Variants in PRPF31 observed in about 807,000 individuals in gnomAD.
PRPF31 encodes U4/U6 small nuclear ribonucleoprotein Prp31.
Under a neutral mutation model 60.4 loss-of-function variants are expected in PRPF31, and 12 were observed. The observed-to-expected ratio is 0.20, with a 90% confidence interval of 0.13 to 0.32. The LOEUF (loss-of-function observed/expected upper bound fraction) is 0.32. PRPF31 is among the 10% of genes least tolerant of loss of function. The pLI is 1.00. For synonymous variants in PRPF31, 287 were observed against 287.9 expected (o/e 1.00, Z 0.03); for missense variants, 431 against 687.1 (o/e 0.63, Z 4.17).
chr19:54,130,353 C>T (rs587622164), intron 13 of PRPF31, among the ~76,000 whole-genome samples: 43 of 152,216 alleles, frequency 2.8e-4, no homozygotes, highest in Non-Finnish European at 4.4e-4. Context: ...AGGCCGGGCG[C>T]GGTGGCTCAC....
chr19:54,122,658 A>T, intron 5 of PRPF31, 64 bp downstream of exon 5: 1 of 1,355,602 alleles, frequency 7.4e-7, no homozygotes, highest in Non-Finnish European at 1.1e-6. Context: ...TCACTCTCGG[A>T]CCCCCTCCCA....
chr19:54,127,423 G>A (rs1336669648), intron 9 of PRPF31, among the ~76,000 whole-genome samples: 1 of 152,106 alleles, frequency 6.6e-6, no homozygotes, highest in Non-Finnish European at 1.5e-5. Flanking sequence ...AAGGGCCCCT[G>A]TGGCTATACT....
In PRPF31 at chr19:54,131,549, T is replaced by TTC. The variant is rs2074048060; in HGVS notation, c.*117_*118insTC. On this transcript the variant is annotated 3_prime_UTR_variant, in exon 14 of 14. Coordinates refer to ENST00000321030, the MANE Select transcript of PRPF31 (RefSeq NM_015629.4). ...CCTGCCCTGCCACTGGCCCCATTGC[T>TTC]GGGACTGCCCAGGGAGGAGGCCTTG... 37 of 1,476,960 alleles carry TTC rather than the reference T, an allele frequency of 2.5e-5. 1 individual carries two copies. In the South Asian group the frequency reaches 4.1e-4, roughly 16 times the overall value. 91.5% of individuals were successfully genotyped at this position (1,476,960 alleles called of 1,614,324 possible).
At chr19:54,129,402 C>T in intron 13 of PRPF31, 32 bp downstream of exon 13, 1 of 1,561,500 alleles carries the variant, frequency 6.4e-7, no homozygotes, top group Non-Finnish European at 8.7e-7. Flanking sequence ...TGTCCCCAGC[C>T]CTGAGACCTT....
chr19:54,131,607 G>T lies in PRPF31; in HGVS notation c.*175G>T, dbSNP rs2074049608. On this transcript the variant is annotated 3_prime_UTR_variant, in exon 14 of 14. Coordinates refer to ENST00000321030, the MANE Select transcript of PRPF31 (RefSeq NM_015629.4). ...CCGGCCTGGCCTCCCCCAGGACCGAGATCACCGCCCAGTATGGGCTAGAGC... is the reference window on the plus strand; with the variant it reads ...CCGGCCTGGCCTCCCCCAGGACCGATATCACCGCCCAGTATGGGCTAGAGC... 1 of 923,810 alleles carries T rather than the reference G, an allele frequency of 1.1e-6. No individual in the cohort carries two copies. Among genetic ancestry groups the T allele is most frequent in the Non-Finnish European group, 1.7e-6 (1 of 594,094 alleles). 57.2% of individuals were successfully genotyped at this position (923,810 alleles called of 1,614,324 possible). A position where few individuals can be genotyped will look rare whatever the true frequency, so the allele number is the denominator to read the frequency against.
Position 54,121,303 on chromosome 19 carries a change from C to CA in PRPF31, c.239-541dup, listed in dbSNP as rs587751948. Among the ~76,000 whole-genome samples the CA allele has an allele frequency of 3.6e-4, 44 of 122,444 alleles. No homozygotes were observed. In the South Asian group the frequency reaches 5.1e-3, roughly 14 times the overall value. The allele number at this position is 122,444 out of a possible 152,430, so 80.3% of individuals were successfully genotyped here. A position where few individuals can be genotyped will look rare whatever the true frequency, so the allele number is the denominator to read the frequency against. On this transcript the variant is annotated intron_variant, in intron 3 of 13. Transcript: ENST00000321030. ...GGGCAACCAGAGCGAAATTATGTCT[C>CA]AAAAAAAAAAAAAAAAGGCTAGGAG...
At chr19:54,123,722 G>A in intron 6 of PRPF31, 27 bp from the exon 7 acceptor site, 1 of 1,599,508 alleles carries the variant, frequency 6.3e-7, no homozygotes, top group Non-Finnish European at 8.5e-7. Flanking sequence ...GGGAGACCCA[G>A]GAGGCTGGGC....
intron 5 of PRPF31, chr19:54,123,235 C>T: frequency 1.6e-6 from 1 of 612,014 alleles, no homozygotes; most frequent in South Asian, 1.9e-5. Context: ...GCTCCGTTTC[C>T]AGGTCAGCGA....
chr19:54,131,236 G>C, intron 13 of PRPF31, 71 bp from the exon 14 acceptor site: 1 of 1,589,530 alleles, frequency 6.3e-7, no homozygotes, highest in Non-Finnish European at 8.6e-7. Flanking sequence ...AGGGCCTGGG[G>C]GGCTCTGATG....
rs1011519009 is a variant in PRPF31, at chr19:54,124,433, T to C, written c.698-66T>C. The C allele has an allele frequency of 4.8e-6, 6 of 1,251,950 alleles. No homozygotes were observed. In the African/African-American group the frequency reaches 8.9e-5, roughly 19 times the overall value. The allele number at this position is 1,251,950 out of a possible 1,614,324, so 77.6% of individuals were successfully genotyped here. The stretch of plus-strand genomic sequence containing the variant: ...AGCACACGTCGAGCCCCCAGGCAGA[T>C]TTACTCACCCCCACCTCTCTGCTTT... On this transcript the variant is annotated intron_variant, in intron 7 of 13. Transcript: ENST00000321030.
At chr19:54,123,382 G>T in intron 5 of PRPF31, 72 bp from the exon 6 acceptor site, 1 of 1,134,000 alleles carries the variant, frequency 8.8e-7, no homozygotes, top group Non-Finnish European at 1.3e-6. Context: ...ACCTGAGGAG[G>T]TGCTGAGCAA....
intron 8 of PRPF31, 78 bp from the exon 9 acceptor site, chr19:54,126,450 G>A (rs2073922472): frequency 2.2e-6 from 3 of 1,373,800 alleles, no homozygotes; most frequent in Non-Finnish European, 3.0e-6. Context: ...GCCAGAGGAG[G>A]AGCGCGCGCG....
intron 11 of PRPF31, 142 bp from the exon 12 acceptor site, chr19:54,128,915 G>C (rs1445088445): frequency 1.2e-5 from 10 of 865,494 alleles, no homozygotes; most frequent in Non-Finnish European, 1.1e-5. Context: ...GGCCTCAGCC[G>C]GGCCGAGTGG....
In PRPF31 at chr19:54,122,960, G is replaced by A. The variant is rs959040478; in HGVS notation, c.420+366G>A. 1.5e-4 allele frequency: 73 copies of A among 474,524 alleles called. 1 individual carries two copies. In the Middle Eastern group the frequency reaches 1.7e-3, roughly 11 times the overall value. 29.4% of individuals were successfully genotyped at this position (474,524 alleles called of 1,614,324 possible). A position where few individuals can be genotyped will look rare whatever the true frequency, so the allele number is the denominator to read the frequency against. ...GAGAGGGAACAAGTGGGGAGGAAGT[G>A]AGGCGGGGAAGGAGGGGACGGGGAA... On this transcript the variant is annotated intron_variant, in intron 5 of 13. Transcript: ENST00000321030.
At chr19:54,122,760 A>G in intron 5 of PRPF31, 166 bp downstream of exon 5, 1 of 703,074 alleles carries the variant, frequency 1.4e-6, no homozygotes, top group Non-Finnish European at 2.6e-6. Context: ...CCTGGACAGG[A>G]CTTTCTCAGG....
chr19:54,124,682 C>A (rs753442529), intron 8 of PRPF31, 26 bp downstream of exon 8: 11 of 1,606,152 alleles, frequency 6.8e-6, no homozygotes, highest in Non-Finnish European at 9.3e-6. Context: ...CATGGCCCCT[C>A]CCCCGGCCCC....
intron 11 of PRPF31, 29 bp downstream of exon 11, chr19:54,128,406 C>G (rs1207310089): frequency 1.6e-5 from 25 of 1,543,190 alleles, no homozygotes; most frequent in Middle Eastern, 2.3e-4. Context: ...CCTCCTCAAC[C>G]CCACAGCCAG....
At chr19:54,121,668 G>T (rs1479766623) in intron 3 of PRPF31, among the ~76,000 whole-genome samples, 192 bp from the exon 4 acceptor site, 1 of 152,158 alleles carries the variant, frequency 6.6e-6, no homozygotes, top group Non-Finnish European at 1.5e-5. Context: ...GTCTAGACTG[G>T]TGTGGAGGGA....
chr19:54,126,474 T>C, intron 8 of PRPF31, 54 bp from the exon 9 acceptor site: 1 of 1,563,782 alleles, frequency 6.4e-7, no homozygotes, highest in Non-Finnish European at 8.7e-7. Flanking sequence ...GCTTTGCTGT[T>C]ACCTCTGTCT....
Sources: gnomAD v4.1 joint callset for allele counts (sites outside exome capture counted in the v4.1 genomes callset) on GRCh38, gnomAD v4.1.1 for gene constraint, MANE v1.5 for transcripts, NCBI Gene and HGNC (gene_info 2026-07-23, HGNC 2026-07-21) for gene names.